Variants in TUT7 observed in about 807,000 individuals in gnomAD.
The protein encoded by TUT7 is terminal uridylyltransferase 7.
Under a neutral mutation model 165.9 loss-of-function variants are expected in TUT7, and 33 were observed. That is an observed-to-expected ratio of 0.20 (90% confidence interval 0.15 to 0.27). TUT7 has a LOEUF of 0.27. Among genes scored for constraint, TUT7 ranks in the 10% least tolerant of loss-of-function variants. The probability of loss-of-function intolerance (pLI) is 1.00; values close to 1 mark genes in which losing one functional copy is unlikely to be tolerated. For synonymous variants in TUT7, 552 were observed against 608.1 expected (o/e 0.91, Z 1.36); for missense variants, 1,338 against 1,762.3 (o/e 0.76, Z 4.31).
At chr9:86,328,525 T>C (rs1830011569) in intron 10 of TUT7, 33 bp from the exon 11 acceptor site, 11 of 1,571,936 alleles carry the variant, frequency 7.0e-6, no homozygotes, top group Non-Finnish European at 8.6e-6. Context: ...TAAAATAAGA[T>C]AGAAATAATC....
At chr9:86,335,013 T>C (rs1830643900) in intron 10 of TUT7, among the ~76,000 whole-genome samples, 1 of 152,340 alleles carries the variant, frequency 6.6e-6, no homozygotes, top group South Asian at 2.1e-4. Flanking sequence ...CCAGAGTTTA[T>C]AGTTGTTATT....
Position 86,311,633 on chromosome 9 carries a change from C to T in TUT7, c.3275-824G>A, listed in dbSNP as rs1008318956. 4.9e-5 allele frequency among the ~76,000 whole-genome samples: 4 copies of T among 82,226 alleles called. No homozygotes were observed. The highest frequency in any genetic ancestry group is 2.2e-4 in the Admixed American group (2 of 9,122). The allele number at this position is 82,226 out of a possible 152,430, so 53.9% of individuals were successfully genotyped here. A position where few individuals can be genotyped will look rare whatever the true frequency, so the allele number is the denominator to read the frequency against. ...CGGTCTCCCTCTCCCTCTCTTTCCA[C>T]GGTCTCCCTCTGATGCCGGTCTCCC... On this transcript the variant is annotated intron_variant, in intron 17 of 26. Coordinates refer to ENST00000375963, the MANE Select transcript of TUT7 (RefSeq NM_024617.4). The surrounding 1 kb of genome is among the most constrained non-coding windows in gnomAD (Gnocchi z 4.4).
chr9:86,331,666 T>C (rs999241845), intron 10 of TUT7, among the ~76,000 whole-genome samples: 9 of 152,240 alleles, frequency 5.9e-5, no homozygotes, highest in Non-Finnish European at 1.0e-4. Flanking sequence ...TTGGTTACAA[T>C]TTACATCTTT....
At chr9:86,322,644 T>C (rs1409515340) in intron 13 of TUT7, among the ~76,000 whole-genome samples, 169 bp from the exon 14 acceptor site, 2 of 152,176 alleles carry the variant, frequency 1.3e-5, no homozygotes, top group East Asian at 3.9e-4. Flanking sequence ...TCCTATAGTA[T>C]CATTAGGAGA....
intron 2 of TUT7, 135 bp from the exon 3 acceptor site, chr9:86,346,615 G>C (rs1206274980): frequency 2.3e-6 from 2 of 859,602 alleles, no homozygotes; most frequent in Non-Finnish European, 3.6e-6. Flanking sequence ...AAAGGTAGCT[G>C]TCCTATGGAC....
intron 10 of TUT7, among the ~76,000 whole-genome samples, chr9:86,335,736 G>A (rs571852850): frequency 3.3e-5 from 5 of 152,184 alleles, no homozygotes; most frequent in African/African-American, 1.2e-4. Flanking sequence ...TACTTAGTAA[G>A]TATTAGTTCC....
chr9:86,330,844 TC>T, intron 10 of TUT7, among the ~76,000 whole-genome samples: 2 of 152,056 alleles, frequency 1.3e-5, no homozygotes, highest in South Asian at 4.1e-4. Flanking sequence ...TTTAGCTGCA[TC>T]TGACAAATTT....
intron 17 of TUT7, among the ~76,000 whole-genome samples, chr9:86,315,713 C>T (rs1039103982): frequency 2.0e-5 from 3 of 151,790 alleles, no homozygotes; most frequent in Admixed American, 2.0e-4. Context: ...GAAATGTTTA[C>T]TTCAATGACC....
intron 2 of TUT7, among the ~76,000 whole-genome samples, chr9:86,348,688 G>C (rs1006327734): frequency 6.6e-6 from 1 of 152,126 alleles, no homozygotes; most frequent in African/African-American, 2.4e-5. Context: ...AGGAGGTGAG[G>C]CTGTGGTGAG....
chr9:86,306,933 G>A (rs2031266), intron 22 of TUT7, among the ~76,000 whole-genome samples: 115,217 of 152,098 alleles, frequency 0.76, 45,193 homozygotes, highest in East Asian at 0.99. Flanking sequence ...AGTAATGTAA[G>A]AATTAGAAGC....
rs768406631 is a variant in TUT7 at position 86,317,613 on chromosome 9, C to T, written c.3217-337G>A. On this transcript the variant is annotated intron_variant, in intron 16 of 26. Coordinates refer to ENST00000375963, the MANE Select transcript of TUT7 (RefSeq NM_024617.4). ...TCCACATAATATCACTCGGATGTACCCCATGTCCCAGAATAAATGAGAGGA... is the reference window on the plus strand; with the variant it reads ...TCCACATAATATCACTCGGATGTACTCCATGTCCCAGAATAAATGAGAGGA... 2.6e-5 allele frequency among the ~76,000 whole-genome samples: 4 copies of T among 152,106 alleles called. 1 individual carries two copies. Among genetic ancestry groups the T allele is most frequent in the Admixed American group, 6.5e-5 (1 of 15,268 alleles).
rs150932248 is a variant in TUT7, at chr9:86,301,575, T to C, written c.4121A>G (p.Asp1374Gly). 59 of 1,613,604 alleles carry C rather than the reference T, an allele frequency of 3.7e-5. No homozygotes were observed. The highest frequency in any genetic ancestry group is 4.9e-5 in the Non-Finnish European group (58 of 1,179,966). ...RKVRRRRDQE[D>G]ALNQRYPENK... ...CTCAGGGTATCTTTGGTTCAGGGCA[T>C]CTTCCTGATCTCGCCGCCGTCTTAC... is the stretch of plus-strand genomic sequence containing the variant. Residue 1374 changes from aspartate (D) to glycine (G), a missense_variant, in exon 26 of 27, where the codon GAT becomes GGT. Asp to Gly is a moderately conservative substitution (Grantham distance 94). Transcript: ENST00000375963.
At position 86,345,060 on chromosome 9, in the gene TUT7, T is replaced by C. The variant is rs752386065; in HGVS notation, c.914A>G (p.Glu305Gly). 2 of 1,613,798 alleles carry C rather than the reference T, an allele frequency of 1.2e-6. No homozygotes were observed. Among genetic ancestry groups the C allele is most frequent in the Non-Finnish European group, 1.7e-6 (2 of 1,179,936 alleles). The change falls in exon 5 of 27, where the codon GAA becomes GGA. Residue 305 changes from glutamate to glycine, a missense_variant. Glu to Gly is a moderately conservative substitution (Grantham distance 98). Coordinates refer to ENST00000375963, the MANE Select transcript of TUT7 (RefSeq NM_024617.4). ...VGIAIDKVVQ[E>G]FGLHNENLEQ... ...CAAGTTCTCATTGTGTAAGCCAAAT[T>C]CCTGTACCACTTTGTCAATGGCAAT... is the stretch of plus-strand genomic sequence containing the variant.
rs1277316233 is a variant in TUT7 at position 86,323,641 on chromosome 9, A to T, written c.2109T>A (p.Ser703Arg). The T allele has an allele frequency of 1.9e-6, 3 of 1,614,026 alleles. No homozygotes were observed. Among genetic ancestry groups the T allele is most frequent in the Non-Finnish European group, 2.5e-6 (3 of 1,180,046 alleles). ...TTTCTTCTTTTGGTGGGCTTCCAAA[A>T]CTTTCAGCAGTCTCTTTAAGAGTAA... is the stretch of plus-strand genomic sequence containing the variant. ...QPLTLKETAESFGSPPKEEMG... is the reference protein window; with the variant it reads ...QPLTLKETAERFGSPPKEEMG... Residue 703 changes from serine (S) to arginine (R), a missense_variant, in exon 13 of 27, where the codon AGT becomes AGA. By Grantham distance (110) the Ser-to-Arg change is moderately radical. Coordinates refer to ENST00000375963, the MANE Select transcript of TUT7 (RefSeq NM_024617.4).
rs1029953046 is a variant in TUT7 at position 86,288,732 on chromosome 9, C to T, written c.4433G>A (p.Ser1478Asn). The T allele has an allele frequency of 6.2e-7, 1 of 1,613,268 alleles. No homozygotes were observed. Among genetic ancestry groups the T allele is most frequent in the South Asian group, 1.1e-5 (1 of 90,982 alleles). Reference sequence around the variant, plus strand: ...GGCTTTTCCCTGAGTCATATATTTACTGGAAAGGCTACCTAGAGGAGGGGA... The same window carrying T: ...GGCTTTTCCCTGAGTCATATATTTATTGGAAAGGCTACCTAGAGGAGGGGA... Reference protein sequence around the residue: ...QFKGSSGSLSSKYMTQGKASA... With the variant: ...QFKGSSGSLSNKYMTQGKASA... Residue 1478 changes from serine to asparagine, a missense_variant, in exon 27 of 27, where the codon AGT becomes AAT. This residue lies in a region of TUT7 where 167 missense variants were observed against 204.9 expected (regional missense o/e 0.82). Coordinates refer to ENST00000375963, the MANE Select transcript of TUT7 (RefSeq NM_024617.4).
At chr9:86,322,243 C>T (rs1587935182) in intron 14 of TUT7, 82 bp downstream of exon 14, 1 of 1,337,406 alleles carries the variant, frequency 7.5e-7, no homozygotes, top group Non-Finnish European at 1.0e-6. Flanking sequence ...GTTTAGAGAC[C>T]TAAATAGGAT....
chr9:86,294,322 A>G (rs1353412532), intron 26 of TUT7, among the ~76,000 whole-genome samples: 1 of 151,332 alleles, frequency 6.6e-6, no homozygotes. Context: ...GGCAAACAAA[A>G]TGCTGGTGTC....
rs771205476 is a variant in TUT7, at chr9:86,301,540, T to C, written c.4156A>G (p.Lys1386Glu). The C allele has an allele frequency of 2.7e-5, 44 of 1,614,026 alleles. No individual in the cohort carries two copies. The highest frequency in any genetic ancestry group is 1.6e-4 in the Middle Eastern group (1 of 6,084). The change falls in exon 26 of 27, where the codon AAA (lysine) becomes GAA (glutamate). Residue 1386 changes from lysine to glutamate, a missense_variant. Around this residue, in one of 7 missense-constraint regions of TUT7, gnomAD observed 167 missense variants for 204.9 expected, o/e 0.82. Coordinates refer to ENST00000375963, the MANE Select transcript of TUT7 (RefSeq NM_024617.4). The part of the protein sequence containing the change: ...LNQRYPENKE[K>E]RSKEDKEIHN... Reference sequence around the variant, plus strand: ...ATTTCTTTGTCCTCTTTGCTTCTTTTTTCCTTGTTCTCAGGGTATCTTTGG... The same window carrying C: ...ATTTCTTTGTCCTCTTTGCTTCTTTCTTCCTTGTTCTCAGGGTATCTTTGG...
rs371329327 is a variant in TUT7, at chr9:86,345,072, T to C, written c.902A>G (p.Lys301Arg). 1.5e-5 allele frequency: 25 copies of C among 1,613,962 alleles called. No individual in the cohort carries two copies. Among genetic ancestry groups the C allele is most frequent in the Admixed American group, 8.3e-5 (5 of 59,992 alleles). Reference sequence around the variant, plus strand: ...GTGTAAGCCAAATTCCTGTACCACTTTGTCAATGGCAATGCCAACTGCATT... The same window carrying C: ...GTGTAAGCCAAATTCCTGTACCACTCTGTCAATGGCAATGCCAACTGCATT... ...QINAVGIAIDKVVQEFGLHNE... is the reference protein window; with the variant it reads ...QINAVGIAIDRVVQEFGLHNE... Residue 301 changes from lysine to arginine, a missense_variant, in exon 5 of 27, where the codon AAA becomes AGA. This residue lies in a region of TUT7 where 434 missense variants were observed against 480.8 expected (regional missense o/e 0.90). Transcript: ENST00000375963.
Sources: allele counts gnomAD v4.1 joint callset (sites outside exome capture counted in the v4.1 genomes callset), GRCh38; gene constraint gnomAD v4.1.1; regional missense constraint gnomAD v4.1.1; non-coding constraint Gnocchi (gnomAD v3.1); transcripts MANE v1.5; gene names NCBI Gene and HGNC (gene_info 2026-07-23, HGNC 2026-07-21).